DGAT2: variants seen among roughly 807,000 people sequenced by gnomAD.
DGAT2 encodes the protein acyl-CoA retinol O-fatty-acyltransferase.
A neutral mutation model predicts 48.4 loss-of-function variants in DGAT2; 33 were observed. That is an observed-to-expected ratio of 0.68 (90% CI 0.52 to 0.91). The LOEUF is 0.91. DGAT2 is among the 40% of genes least tolerant of loss of function. DGAT2 has a pLI of 0.00. For missense variants in DGAT2, 446 were observed against 493.7 expected, an observed-to-expected ratio of 0.90 and a Z score of 0.92; for synonymous variants, 191 against 194.1, an observed-to-expected ratio of 0.98 and a Z score of 0.13.
In DGAT2 at chr11:75,800,900, T is replaced by C. The variant is rs1945106602; in HGVS notation, c.*392T>C. The C allele has an allele frequency of 4.6e-6, 1 of 215,710 alleles. No individual in the cohort carries two copies. The highest frequency in any genetic ancestry group is 6.3e-5 in the South Asian group (1 of 15,756). The allele number at this position is 215,710 out of a possible 1,614,324, so 13.4% of individuals were successfully genotyped here. A position where few individuals can be genotyped will look rare whatever the true frequency, so the allele number is the denominator to read the frequency against. ...GCCACTTCTCATACAAGCCCCTTTA[T>C]TGCCACTACCCCACGCTCGTCTAGT... On this transcript the variant is annotated 3_prime_UTR_variant, in exon 8 of 8. Coordinates refer to ENST00000228027, the MANE Select transcript of DGAT2 (RefSeq NM_032564.5).
At chr11:75,782,076 C>T (rs1384961656) in intron 1 of DGAT2, among the ~76,000 whole-genome samples, 4 of 152,148 alleles carry the variant, frequency 2.6e-5, no homozygotes, top group Admixed American at 6.6e-5. Flanking sequence ...CTTCCCTACG[C>T]ACCCCTCAAA....
rs747718739 is a variant in DGAT2 at position 75,797,108 on chromosome 11, G to T, written c.635-50G>T. 5 of 1,430,998 alleles carry T rather than the reference G, an allele frequency of 3.5e-6. No homozygotes were observed. The African/African-American group carries it at 7.3e-5, about 21-fold the overall frequency. The allele number at this position is 1,430,998 out of a possible 1,614,324, so 88.6% of individuals were successfully genotyped here. A position where few individuals can be genotyped will look rare whatever the true frequency, so the allele number is the denominator to read the frequency against. ...ATACCTGACTGTGTGCCGGGGATGG[G>T]GAGTGGATCCATGGGCAACCCTGAC... On this transcript the variant is annotated intron_variant, in intron 5 of 7. Coordinates refer to ENST00000228027, the MANE Select transcript of DGAT2 (RefSeq NM_032564.5).
At chr11:75,777,681 G>A (rs1377381770) in intron 1 of DGAT2, among the ~76,000 whole-genome samples, 2 of 152,160 alleles carry the variant, frequency 1.3e-5, no homozygotes, top group Non-Finnish European at 2.9e-5. Context: ...CTGACTCCAG[G>A]TTGGCATGTC....
At chr11:75,789,363 C>T (rs551856126) in intron 2 of DGAT2, among the ~76,000 whole-genome samples, 2 of 152,246 alleles carry the variant, frequency 1.3e-5, no homozygotes, top group Admixed American at 1.3e-4. Context: ...GTTGCCCAGG[C>T]TGGTCTTGAA....
At chr11:75,794,958 C>CCCCTCTCCTCTGTTCCTCTG (rs1945033656) in intron 4 of DGAT2, 1 of 110,414 alleles carries the variant, frequency 9.1e-6, no homozygotes, top group Non-Finnish European at 1.7e-5. Context: ...CCGTTCCTCT[C>CCCCTCTCCTCTGTTCCTCTG]CCCTCTCCTC....
At chr11:75,797,392 A>G in intron 6 of DGAT2, 60 bp downstream of exon 6, 1 of 1,363,986 alleles carries the variant, frequency 7.3e-7, no homozygotes, top group Non-Finnish European at 9.5e-7. Flanking sequence ...AGGGCAGCAG[A>G]CTCCTTGGCC....
intron 1 of DGAT2, among the ~76,000 whole-genome samples, chr11:75,770,693 T>TGGG (rs1318890501): frequency 6.6e-6 from 1 of 152,266 alleles, no homozygotes; most frequent in African/African-American, 2.4e-5. Flanking sequence ...GTTTTTGACT[T>TGGG]AGAGTTTGTT....
At chr11:75,794,815 G>A (rs1038576822) in intron 4 of DGAT2, 6 of 152,266 alleles carry the variant, frequency 3.9e-5, no homozygotes, top group Admixed American at 1.3e-4. Flanking sequence ...GACTCAATGC[G>A]TCAGATGGTT....
At chr11:75,777,962 T>A (rs1565314190) in intron 1 of DGAT2, among the ~76,000 whole-genome samples, 1 of 152,206 alleles carries the variant, frequency 6.6e-6, no homozygotes, top group East Asian at 1.9e-4. Context: ...GCATCCTAAC[T>A]TAACTTTAGC....
chr11:75,789,838 G>T (rs915334788), intron 2 of DGAT2, among the ~76,000 whole-genome samples: 1 of 152,214 alleles, frequency 6.6e-6, no homozygotes, highest in Non-Finnish European at 1.5e-5. Flanking sequence ...CAGTGTCTGG[G>T]CTGGGTGCTG....
chr11:75,800,797 T>C lies in DGAT2; in HGVS notation c.*289T>C, dbSNP rs916979420. On this transcript the variant is annotated 3_prime_UTR_variant, in exon 8 of 8. Transcript: ENST00000228027. The stretch of plus-strand genomic sequence containing the variant: ...AAGTGACAAAGGAAACTCAGTCTTC[T>C]TGGGGAAGAAGGATTGCCATTAGTG... 1 of 356,594 alleles carries C rather than the reference T, an allele frequency of 2.8e-6. No homozygotes were observed. The highest frequency in any genetic ancestry group is 5.2e-6 in the Non-Finnish European group (1 of 192,984). The allele number at this position is 356,594 out of a possible 1,614,324, so 22.1% of individuals were successfully genotyped here.
At chr11:75,775,282 C>T (rs1185105262) in intron 1 of DGAT2, among the ~76,000 whole-genome samples, 1 of 152,172 alleles carries the variant, frequency 6.6e-6, no homozygotes, top group Non-Finnish European at 1.5e-5. Flanking sequence ...GCTCAGGATG[C>T]CTGGCTCCCT....
chr11:75,771,554 A>C (rs1944757881), intron 1 of DGAT2, among the ~76,000 whole-genome samples: 1 of 152,144 alleles, frequency 6.6e-6, no homozygotes. Context: ...GAGGACTGCA[A>C]CAGGCTGGGG....
At chr11:75,790,466 G>C (rs943560716) in intron 3 of DGAT2, among the ~76,000 whole-genome samples, 171 bp downstream of exon 3, 7 of 152,160 alleles carry the variant, frequency 4.6e-5, no homozygotes, top group Non-Finnish European at 8.8e-5. Context: ...GCACTGTTCT[G>C]GTCCTGACAA....
rs763800613 is a variant in DGAT2 at position 75,790,177 on chromosome 11, C to T, written c.251-11C>T. 6.2e-7 allele frequency: 1 copy of T among 1,603,378 alleles called. No individual in the cohort carries two copies. The highest frequency in any genetic ancestry group is 1.7e-5 in the Admixed American group (1 of 60,012). On this transcript the variant is annotated splice_polypyrimidine_tract_variant and intron_variant, in intron 2 of 7. Coordinates refer to ENST00000228027, the MANE Select transcript of DGAT2 (RefSeq NM_032564.5). ...CCAGTAGGACCTGACCTGTGGCCAT[C>T]TGCCCCCCAGGAGTGGCCTGCAGTG...
intron 1 of DGAT2, among the ~76,000 whole-genome samples, chr11:75,774,599 C>T (rs1944787757): frequency 6.6e-6 from 1 of 152,086 alleles, no homozygotes; most frequent in African/African-American, 2.4e-5. Context: ...TCCTTACATC[C>T]CTGCTGGAGA....
intron 1 of DGAT2, among the ~76,000 whole-genome samples, chr11:75,770,379 A>G (rs1381141265): frequency 6.7e-6 from 1 of 148,908 alleles, no homozygotes; most frequent in Admixed American, 6.7e-5. Context: ...TTGAAGAGGA[A>G]CCCAGCTGCT....
At chr11:75,777,368 C>A (rs1414241020) in intron 1 of DGAT2, among the ~76,000 whole-genome samples, 1 of 152,144 alleles carries the variant, frequency 6.6e-6, no homozygotes, top group Non-Finnish European at 1.5e-5. Flanking sequence ...GGGTTTGAAT[C>A]CTAAGTTAGC....
chr11:75,784,646 C>G lies in DGAT2; in HGVS notation c.150C>G (p.Leu50=), dbSNP rs540723197. ...WGTGSSILSA[L]QDLFSVTWLN... ...CTGGATCCAGCATCCTCTCCGCCCT[C>G]CAGGACCTCTTCTCTGTCACCTGGC... The change falls in exon 2 of 8, where the codon CTC becomes CTG. Residue 50 remains leucine, a synonymous_variant. Transcript: ENST00000228027. 25 of 1,614,120 alleles carry G rather than the reference C, an allele frequency of 1.5e-5. No individual in the cohort carries two copies. The African/African-American group carries it at 2.4e-4, about 15-fold the overall frequency.
Sources: gnomAD v4.1 joint callset for allele counts (sites outside exome capture counted in the v4.1 genomes callset) on GRCh38, gnomAD v4.1.1 for gene constraint, MANE v1.5 for transcripts, NCBI Gene and HGNC (gene_info 2026-07-23, HGNC 2026-07-21) for gene names.